Variants in MEGF9 observed in about 807,000 individuals in gnomAD.
MEGF9 encodes the protein multiple EGF like domains 9, also known as multiple epidermal growth factor-like domains protein 9.
MEGF9 carries 6 observed loss-of-function variants against 46.8 expected under a neutral mutation model. The ratio of observed to expected loss-of-function variants is 0.13; its 90% CI spans 0.07 to 0.25. MEGF9 has a LOEUF of 0.25. Among genes scored for constraint, MEGF9 ranks in the 10% least tolerant of loss-of-function variants. The pLI is 1.00. For synonymous variants in MEGF9, 302 were observed against 330.7 expected, an observed-to-expected ratio of 0.91 and a Z score of 0.94; for missense variants, 683 against 792.4, an observed-to-expected ratio of 0.86 and a Z score of 1.66.
intron 2 of MEGF9, among the ~76,000 whole-genome samples, chr9:120,645,530 A>G (rs1327753492): frequency 6.6e-6 from 1 of 152,216 alleles, no homozygotes; most frequent in African/African-American, 2.4e-5. Context: ...ACTGATCAGA[A>G]TCACATTCCT....
At chr9:120,652,182 A>ACACACAC (rs1491252387) in intron 2 of MEGF9, among the ~76,000 whole-genome samples, 3 of 53,828 alleles carry the variant, frequency 5.6e-5, no homozygotes, top group African/African-American at 2.1e-4. Context: ...ACACACACAC[A>ACACACAC]AAAAAAAAAA....
rs370909251 is a variant in MEGF9 at position 120,655,259 on chromosome 9, C to T, written c.803+4115G>A. On this transcript the variant is annotated intron_variant, in intron 2 of 5. Coordinates refer to ENST00000373930, the MANE Select transcript of MEGF9 (RefSeq NM_001080497.3). The stretch of plus-strand genomic sequence containing the variant: ...ATAGTAAGTACCCTAGACAGGTGTG[C>T]CGTTTTTATCTTTTATACGTTTGCT... 5.3e-5 allele frequency among the ~76,000 whole-genome samples: 8 copies of T among 152,226 alleles called. No individual in the cohort carries two copies. In the East Asian group the frequency reaches 7.7e-4, roughly 15 times the overall value.
At chr9:120,616,677 CAAAA>C (rs60170268) in intron 3 of MEGF9, among the ~76,000 whole-genome samples, 1,774 of 94,358 alleles carry the variant, frequency 0.019, 33 homozygotes, top group African/African-American at 0.06. Context: ...GACTCTGTCT[CAAAA>C]AAAAAAAAAA....
intron 2 of MEGF9, among the ~76,000 whole-genome samples, chr9:120,634,444 A>ATTTTTTTTTTTTTTTTTT (rs1564416834): frequency 3.3e-5 from 2 of 60,846 alleles, no homozygotes; most frequent in Admixed American, 2.1e-4. Context: ...TGTGTGGAAT[A>ATTTTTTTTTTTTTTTTTT]TCTTTTTTTT....
chr9:120,679,862 C>G (rs2043790465), intron 1 of MEGF9, among the ~76,000 whole-genome samples: 1 of 148,808 alleles, frequency 6.7e-6, no homozygotes, highest in Admixed American at 6.9e-5. Context: ...CACCTGAACC[C>G]AGGAGGCGGA....
In MEGF9 at chr9:120,604,186, A is replaced by C. The variant is rs1378924823; in HGVS notation, c.*1004T>G. The stretch of plus-strand genomic sequence containing the variant: ...AGTAAGTCAAAGAGCATATAACTCT[A>C]CTTTTAGACTGAGAAAGGAAAGAAA... On this transcript the variant is annotated 3_prime_UTR_variant, in exon 6 of 6. Transcript: ENST00000373930. The C allele has an allele frequency of 1.3e-5, 2 of 152,618 alleles. No homozygotes were observed. The highest frequency in any genetic ancestry group is 2.9e-5 in the Non-Finnish European group (2 of 68,026). 9.5% of individuals were successfully genotyped at this position (152,618 alleles called of 1,614,324 possible).
At chr9:120,619,879 A>T (rs2043490413) in intron 3 of MEGF9, among the ~76,000 whole-genome samples, 1 of 152,258 alleles carries the variant, frequency 6.6e-6, no homozygotes, top group Admixed American at 6.5e-5. Flanking sequence ...AAGGTATAGC[A>T]AAACAGTAGA....
intron 1 of MEGF9, among the ~76,000 whole-genome samples, chr9:120,675,838 A>C (rs2043770532): frequency 1.4e-5 from 2 of 141,236 alleles, no homozygotes; most frequent in African/African-American, 5.2e-5. Context: ...CAGTGAGCCG[A>C]GATCACGCCA....
At chr9:120,618,097 T>C (rs1487019503) in intron 3 of MEGF9, among the ~76,000 whole-genome samples, 1 of 152,164 alleles carries the variant, frequency 6.6e-6, no homozygotes, top group Non-Finnish European at 1.5e-5. Context: ...TAAGCACATA[T>C]ATAGATGGCA....
At chr9:120,623,652 G>A (rs1448671764) in intron 2 of MEGF9, among the ~76,000 whole-genome samples, 1 of 152,020 alleles carries the variant, frequency 6.6e-6, no homozygotes, top group Non-Finnish European at 1.5e-5. Flanking sequence ...AAGAAAAGAA[G>A]CCACACACAT....
intron 2 of MEGF9, among the ~76,000 whole-genome samples, chr9:120,626,167 C>A (rs913819726): frequency 6.6e-6 from 1 of 152,098 alleles, no homozygotes; most frequent in Non-Finnish European, 1.5e-5. Context: ...GATCAGCTAA[C>A]AATTTAAGAT....
chr9:120,695,324 G>A (rs772450213), intron 1 of MEGF9, among the ~76,000 whole-genome samples: 103 of 152,174 alleles, frequency 6.8e-4, no homozygotes, highest in Non-Finnish European at 1.3e-3. Flanking sequence ...GTAATCAAAA[G>A]GTCAGGCGCG....
At chr9:120,617,895 A>T (rs903621718) in intron 3 of MEGF9, among the ~76,000 whole-genome samples, 2 of 152,208 alleles carry the variant, frequency 1.3e-5, no homozygotes, top group African/African-American at 2.4e-5. Context: ...AATAAAAAGG[A>T]GCAAAATCAA....
rs542016175 is a variant in MEGF9, at chr9:120,688,034, T to C, written c.601+25724A>G. On this transcript the variant is annotated intron_variant, in intron 1 of 5. Coordinates refer to ENST00000373930, the MANE Select transcript of MEGF9 (RefSeq NM_001080497.3). ...AAACAAATATCATCGTACTCAAACT[T>C]GTACTATAGAAATAATCATCTATTT... Among the ~76,000 whole-genome samples, 111 of 152,162 alleles carry C rather than the reference T, an allele frequency of 7.3e-4. 1 individual carries two copies. The highest frequency in any genetic ancestry group is 2.6e-3 in the African/African-American group (108 of 41,506).
intron 1 of MEGF9, among the ~76,000 whole-genome samples, chr9:120,675,802 C>T (rs1165410721): frequency 3.5e-5 from 5 of 144,026 alleles, no homozygotes; most frequent in Non-Finnish European, 6.0e-5. Flanking sequence ...GCAGGAGAAT[C>T]GCTTGAACCT....
At chr9:120,635,190 A>C (rs1399803388) in intron 2 of MEGF9, among the ~76,000 whole-genome samples, 1 of 152,128 alleles carries the variant, frequency 6.6e-6, no homozygotes, top group East Asian at 1.9e-4. Context: ...CTGTTAGGTT[A>C]ATGAAGACTC....
At chr9:120,671,123 C>T (rs368071617) in intron 1 of MEGF9, among the ~76,000 whole-genome samples, 2 of 152,224 alleles carry the variant, frequency 1.3e-5, no homozygotes, top group Non-Finnish European at 2.9e-5. Context: ...ACTGATACCC[C>T]TTCCTCTTTG....
rs1465441910 is a variant in MEGF9 at position 120,612,550 on chromosome 9, C to A, written c.944-11G>T. On this transcript the variant is annotated splice_polypyrimidine_tract_variant and intron_variant, in intron 3 of 5. Transcript: ENST00000373930. ...AGTTTAAACAAGCACCTAAAAGAAGCAAATTATTTTTAAAAGTTAAAGATT... is the reference window on the plus strand; with the variant it reads ...AGTTTAAACAAGCACCTAAAAGAAGAAAATTATTTTTAAAAGTTAAAGATT... 3 of 1,588,818 alleles carry A rather than the reference C, an allele frequency of 1.9e-6. No individual in the cohort carries two copies. Among genetic ancestry groups the A allele is most frequent in the East Asian group, 2.2e-5 (1 of 44,600 alleles).
intron 2 of MEGF9, among the ~76,000 whole-genome samples, chr9:120,644,746 G>A (rs1386773661): frequency 2.0e-5 from 3 of 152,090 alleles, no homozygotes; most frequent in African/African-American, 4.8e-5. Flanking sequence ...GTAAACAGTC[G>A]GTAAATGTTA....
Sources: allele counts gnomAD v4.1 joint callset (sites outside exome capture counted in the v4.1 genomes callset), GRCh38; gene constraint gnomAD v4.1.1; transcripts MANE v1.5; gene names NCBI Gene and HGNC (gene_info 2026-07-23, HGNC 2026-07-21).